The following ALS2CL variants were observed in gnomAD, a reference collection of about 807,000 sequenced individuals.
ALS2CL encodes ALS2 C-terminal like.
In ALS2CL, 112 loss-of-function variants were observed where a neutral mutation model predicts 127.9. The observed-to-expected ratio is 0.88, with a 90% CI of 0.75 to 1.02. The LOEUF is 1.02. Among genes scored for constraint, ALS2CL ranks in the 50% least tolerant of loss-of-function variants. The probability of loss-of-function intolerance (pLI) is 0.00; values close to 1 mark genes in which losing one functional copy is unlikely to be tolerated. For synonymous variants in ALS2CL, 519 were observed against 527.6 expected, an observed-to-expected ratio of 0.98 and a Z score of 0.22; for missense variants, 1,174 against 1,236.7, an observed-to-expected ratio of 0.95 and a Z score of 0.76.
chr3:46,671,973 C>T lies in ALS2CL; in HGVS notation c.2595G>A (p.Glu865=), dbSNP rs1281968117. 2 of 1,613,942 alleles carry T rather than the reference C, an allele frequency of 1.2e-6. No individual in the cohort carries two copies. The highest frequency in any genetic ancestry group is 2.7e-5 in the African/African-American group (2 of 74,894). Residue 865 remains glutamate, a synonymous_variant, in exon 24 of 26, where the codon GAG becomes GAA. Coordinates refer to ENST00000318962, the MANE Select transcript of ALS2CL (RefSeq NM_147129.5). ...EVLERTYGEI[E]GTVSRVLGRE... is the part of the protein sequence containing the mutation. ...GGCCCAATACCCTCGACACCGTGCCCTCAATTTCCCCGTATGTCCTCTCCA... is the reference window on the plus strand; with the variant it reads ...GGCCCAATACCCTCGACACCGTGCCTTCAATTTCCCCGTATGTCCTCTCCA...
rs1022158321 is a variant in ALS2CL at position 46,681,657 on chromosome 3, A to C, written c.1176-59T>G. On this transcript the variant is annotated intron_variant, in intron 11 of 25. Transcript: ENST00000318962. The surrounding 1 kb of genome is among the most constrained non-coding windows in gnomAD (Gnocchi z 4.9). ...CTGACCTGAGACGCCCATTACACCT[A>C]CTCCATGCCACCCAGGAGTATCCCT... The C allele has an allele frequency of 7.2e-6, 11 of 1,528,648 alleles. No homozygotes were observed. In the African/African-American group the frequency reaches 1.2e-4, roughly 17 times the overall value. The allele number at this position is 1,528,648 out of a possible 1,614,324, so 94.7% of individuals were successfully genotyped here. A position where few individuals can be genotyped will look rare whatever the true frequency, so the allele number is the denominator to read the frequency against.
chr3:46,676,276 G>A lies in ALS2CL; in HGVS notation c.2155C>T (p.Gln719Ter). ...LQELAQEEVKQHAQELWAAYR... is the reference protein window; with the variant it reads ...LQELAQEEVK The stretch of plus-strand genomic sequence containing the variant: ...GCAGCCCAGAGTTCCTGGGCATGCT[G>A]CTTCACCTCCTCCTGGGCCAGCTCC... The change falls in exon 19 of 26, where the codon CAG (glutamine) becomes TAG (stop). Residue 719 changes from glutamine (Q) to a stop codon, truncating the protein, a stop_gained. Coordinates refer to ENST00000318962, the MANE Select transcript of ALS2CL (RefSeq NM_147129.5). LOFTEE classifies it high-confidence loss of function. 1.2e-6 allele frequency: 2 copies of A among 1,613,454 alleles called. No homozygotes were observed. The highest frequency in any genetic ancestry group is 1.3e-5 in the African/African-American group (1 of 74,964).
rs1316749809 is a variant in ALS2CL, at chr3:46,686,240, AG to A, written c.666+67del. On this transcript the variant is annotated intron_variant, in intron 6 of 25. Coordinates refer to ENST00000318962, the MANE Select transcript of ALS2CL (RefSeq NM_147129.5). The surrounding 1 kb of genome is among the most constrained non-coding windows in gnomAD (Gnocchi z 4.3). ...CCCAGAGAATACAGCAAGCAGCTCA[AG>A]CCCCCCAACATCTCCATGCCCAATG... The A allele has an allele frequency of 1.5e-5, 22 of 1,512,398 alleles. No individual in the cohort carries two copies. Among genetic ancestry groups the A allele is most frequent in the Non-Finnish European group, 1.9e-5 (22 of 1,129,936 alleles). The allele number at this position is 1,512,398 out of a possible 1,614,324, so 93.7% of individuals were successfully genotyped here.
At chr3:46,691,444 G>C (rs1236708926) in intron 1 of ALS2CL, among the ~76,000 whole-genome samples, 1 of 152,060 alleles carries the variant, frequency 6.6e-6, no homozygotes, top group Non-Finnish European at 1.5e-5. Flanking sequence ...ACTCTCCGGG[G>C]GGCCAGCACC....
intron 2 of ALS2CL, among the ~76,000 whole-genome samples, chr3:46,688,648 G>A (rs1699965743): frequency 6.6e-6 from 1 of 152,234 alleles, no homozygotes; most frequent in African/African-American, 2.4e-5. Flanking sequence ...AGAATGTGAA[G>A]TCCACAGGGT....
intron 1 of ALS2CL, among the ~76,000 whole-genome samples, chr3:46,692,430 G>T (rs1700215864): frequency 6.6e-6 from 1 of 151,290 alleles, no homozygotes; most frequent in African/African-American, 2.4e-5. Context: ...CCTCCCTCCA[G>T]TTCAAAGGTT....
chr3:46,681,249 T>A lies in ALS2CL; in HGVS notation c.1433A>T (p.Asp478Val), dbSNP rs755686478. Residue 478 changes from aspartate (D) to valine (V), a missense_variant, in exon 13 of 26, where the codon GAC becomes GTC. By Grantham distance (152) the Asp-to-Val change is radical. Transcript: ENST00000318962. This position sits in a 1 kb window ranked among gnomAD's most constrained non-coding sequence, Gnocchi z 4.9. ...RSGYGIEEDG[D>V]RGERYIGMWQ... ...GTGGTGGCTGCAGGGCGCTCACCTG[T>A]CACCATCCTCCTCAATGCCATAGCC... 6.2e-7 allele frequency: 1 copy of A among 1,613,760 alleles called. No individual in the cohort carries two copies. Among genetic ancestry groups the A allele is most frequent in the Admixed American group, 1.7e-5 (1 of 60,004 alleles).
Position 46,686,220 on chromosome 3 carries a change from A to G in ALS2CL, c.666+88T>C, listed in dbSNP as rs1699759433. On this transcript the variant is annotated intron_variant, in intron 6 of 25. Transcript: ENST00000318962. This position sits in a 1 kb window ranked among gnomAD's most constrained non-coding sequence, Gnocchi z 4.3. ...TCCATATAGGGAAACTGAGGCCCAG[A>G]GAATACAGCAAGCAGCTCAAGCCCC... 6.8e-7 allele frequency: 1 copy of G among 1,461,120 alleles called. No individual in the cohort carries two copies. The highest frequency in any genetic ancestry group is 9.1e-7 in the Non-Finnish European group (1 of 1,103,122). The allele number at this position is 1,461,120 out of a possible 1,614,324, so 90.5% of individuals were successfully genotyped here.
At chr3:46,684,105 T>G in intron 7 of ALS2CL, 58 bp from the exon 8 acceptor site, 2 of 1,539,998 alleles carry the variant, frequency 1.3e-6, no homozygotes, top group South Asian at 2.4e-5. Flanking sequence ...TCACCTACCC[T>G]CTGGCCAAGG....
rs1699293093 is a variant in ALS2CL, at chr3:46,681,140, A to C, written c.1436+106T>G. The C allele has an allele frequency of 6.5e-7, 1 of 1,538,692 alleles. No individual in the cohort carries two copies. Among genetic ancestry groups the C allele is most frequent in the East Asian group, 2.2e-5 (1 of 44,452 alleles). ...CTGGAGGGGAAGTGAGGGGCTTAAG[A>C]GAGACACAGTGGGGGACAAACAGGA... On this transcript the variant is annotated intron_variant, in intron 13 of 25. Coordinates refer to ENST00000318962, the MANE Select transcript of ALS2CL (RefSeq NM_147129.5). The surrounding 1 kb of genome is among the most constrained non-coding windows in gnomAD (Gnocchi z 4.9).
intron 22 of ALS2CL, 86 bp downstream of exon 22, chr3:46,673,253 C>T (rs140207621): frequency 0.019 from 24,841 of 1,314,178 alleles, 341 homozygotes; most frequent in Middle Eastern, 0.024. Flanking sequence ...CTGCAGCCTC[C>T]GCCCAGCAAT....
At chr3:46,682,996 C>T in intron 10 of ALS2CL, 134 bp downstream of exon 10, 1 of 975,740 alleles carries the variant, frequency 1.0e-6, no homozygotes, top group Non-Finnish European at 1.4e-6. Context: ...TTAAGAGGGA[C>T]TCTGAGAATT....
intron 7 of ALS2CL, 38 bp from the exon 8 acceptor site, chr3:46,684,085 G>C (rs1344451822): frequency 1.3e-6 from 2 of 1,549,086 alleles, no homozygotes; most frequent in African/African-American, 2.7e-5. Flanking sequence ...CCAGAGCCCA[G>C]GCCAGATGCT....
In ALS2CL at chr3:46,681,143, G is replaced by C. The variant is rs867545404; in HGVS notation, c.1436+103C>G. 1.3e-6 allele frequency: 2 copies of C among 1,549,108 alleles called. No homozygotes were observed. Among genetic ancestry groups the C allele is most frequent in the African/African-American group, 2.7e-5 (2 of 73,468 alleles). On this transcript the variant is annotated intron_variant, in intron 13 of 25. Transcript: ENST00000318962. The surrounding 1 kb of genome is among the most constrained non-coding windows in gnomAD (Gnocchi z 4.9). ...GAGGGGAAGTGAGGGGCTTAAGAGAGACACAGTGGGGGACAAACAGGAGCC... is the reference window on the plus strand; with the variant it reads ...GAGGGGAAGTGAGGGGCTTAAGAGACACACAGTGGGGGACAAACAGGAGCC...
chr3:46,682,114 C>CG lies in ALS2CL; in HGVS notation c.1110-21_1110-20insC. The CG allele has an allele frequency of 6.2e-7, 1 of 1,612,760 alleles. No individual in the cohort carries two copies. The highest frequency in any genetic ancestry group is 8.5e-7 in the Non-Finnish European group (1 of 1,179,566). On this transcript the variant is annotated intron_variant, in intron 10 of 25. Transcript: ENST00000318962. ...GTTCCCCTGGAACACAGTGGAGGTTCACGAGCCTCAGGCCTACCCACCCCT... is the reference window on the plus strand; with the variant it reads ...GTTCCCCTGGAACACAGTGGAGGTTCGACGAGCCTCAGGCCTACCCACCCCT...
chr3:46,680,355 C>A (rs1699214251), intron 14 of ALS2CL, 75 bp downstream of exon 14: 1 of 1,459,812 alleles, frequency 6.9e-7, no homozygotes. Context: ...CCCTGAAAGG[C>A]CTCAGCTCAG....
intron 2 of ALS2CL, among the ~76,000 whole-genome samples, chr3:46,688,628 A>G (rs1207060763): frequency 6.6e-6 from 1 of 152,118 alleles, no homozygotes; most frequent in African/African-American, 2.4e-5. Context: ...ATCCTGGACT[A>G]CTCAGATCCA....
intron 4 of ALS2CL, 27 bp downstream of exon 4, chr3:46,687,592 G>A (rs1317241799): frequency 2.5e-6 from 4 of 1,610,562 alleles, no homozygotes; most frequent in African/African-American, 2.7e-5. Flanking sequence ...ACCCTGTCAG[G>A]GGCCAGTGCA....
chr3:46,683,802 C>T lies in ALS2CL; in HGVS notation c.892G>A (p.Ala298Thr). The T allele has an allele frequency of 6.2e-7, 1 of 1,614,108 alleles. No homozygotes were observed. Among genetic ancestry groups the T allele is most frequent in the Non-Finnish European group, 8.5e-7 (1 of 1,180,016 alleles). Residue 298 changes from alanine to threonine, a missense_variant, in exon 9 of 26, where the codon GCC (alanine) becomes ACC (threonine). Physicochemically the swap from Ala to Thr is moderately conservative, Grantham distance 58. Coordinates refer to ENST00000318962, the MANE Select transcript of ALS2CL (RefSeq NM_147129.5). ...LTPEEEFSFC[A>T]KDSQGQAVWQ... ...CTCACCTGGCCCTGGGAGTCCTTGG[C>T]ACAAAAGGAGAACTCTTCTTCGGGC...
Sources: gnomAD v4.1 joint callset for allele counts (sites outside exome capture counted in the v4.1 genomes callset) on GRCh38, gnomAD v4.1.1 for gene constraint, Gnocchi (gnomAD v3.1) non-coding constraint, MANE v1.5 for transcripts, NCBI Gene and HGNC (gene_info 2026-07-23, HGNC 2026-07-21) for gene names.